The following CFAP45 variants were observed in gnomAD, a reference collection of about 807,000 sequenced individuals.
The protein encoded by CFAP45 is cilia and flagella associated protein 45, also known as cilia- and flagella-associated protein 45.
A neutral mutation model predicts 75.6 loss-of-function variants in CFAP45; 43 were observed. The observed-to-expected ratio is 0.57, with a 90% confidence interval of 0.45 to 0.73. The LOEUF (loss-of-function observed/expected upper bound fraction) is 0.73. Ranked by LOEUF, CFAP45 falls within the 30% of genes least tolerant of loss-of-function variation. CFAP45 has a pLI of 0.00. For synonymous variants in CFAP45, 223 were observed against 244.6 expected, an observed-to-expected ratio of 0.91 and a Z score of 0.82; for missense variants, 689 against 701.5, an observed-to-expected ratio of 0.98 and a Z score of 0.20.
intron 2 of CFAP45, 110 bp downstream of exon 2, chr1:159,893,068 CTG>C: frequency 8.0e-7 from 1 of 1,248,072 alleles, no homozygotes; most frequent in South Asian, 1.3e-5. Context: ...TGTCTTCAGT[CTG>C]AGAGTTACCT....
chr1:159,898,622 T>C (rs539953258), intron 1 of CFAP45, among the ~76,000 whole-genome samples: 1 of 152,320 alleles, frequency 6.6e-6, no homozygotes, highest in South Asian at 2.1e-4. Flanking sequence ...ATCTGGGTGC[T>C]CTGAAGCCCA....
At chr1:159,892,637 C>T (rs1649855995) in intron 2 of CFAP45, among the ~76,000 whole-genome samples, 1 of 152,222 alleles carries the variant, frequency 6.6e-6, no homozygotes, top group African/African-American at 2.4e-5. Context: ...CAAAATCAGT[C>T]AAAGCTCTAC....
intron 10 of CFAP45, among the ~76,000 whole-genome samples, chr1:159,874,811 G>A (rs954776775): frequency 2.0e-5 from 3 of 152,206 alleles, no homozygotes; most frequent in Admixed American, 6.5e-5. Flanking sequence ...TCTAGGAAGT[G>A]AAGCCTGGTC....
chr1:159,873,001 GCCT>G lies in CFAP45; in HGVS notation c.1517_1519del (p.Glu506del). 6.2e-7 allele frequency: 1 copy of G among 1,614,214 alleles called. No individual in the cohort carries two copies. Among genetic ancestry groups the G allele is most frequent in the Non-Finnish European group, 8.5e-7 (1 of 1,180,050 alleles). ...ATCGATGCGCTCACGGCGTTTCTGG[GCCT>G]CCTCTTTGAGGCGCCGGCCCTCCTC... On this transcript the variant is annotated inframe_deletion, in exon 11 of 12. Coordinates refer to ENST00000368099, the MANE Select transcript of CFAP45 (RefSeq NM_012337.3).
At position 159,877,399 on chromosome 1, in the gene CFAP45, C is replaced by G. The variant is rs779458678; in HGVS notation, c.1108G>C (p.Ala370Pro). Residue 370 changes from alanine to proline, a missense_variant, in exon 9 of 12, where the codon GCA (alanine) becomes CCA (proline). Transcript: ENST00000368099. ...TTCTCCTGCATGGCCCTCAAGCGTG[C>G]GATCTCCTTCTCTTTCTCCCTCCGG... ...RIRREKEKEI[A>P]RLRAMQEKAQ... 3 of 1,614,054 alleles carry G rather than the reference C, an allele frequency of 1.9e-6. No individual in the cohort carries two copies. Among genetic ancestry groups the G allele is most frequent in the Non-Finnish European group, 2.5e-6 (3 of 1,179,948 alleles).
intron 7 of CFAP45, among the ~76,000 whole-genome samples, chr1:159,883,317 G>GT: frequency 7.1e-6 from 1 of 140,042 alleles, no homozygotes; most frequent in South Asian, 2.3e-4. Context: ...AATGAATGGG[G>GT]GAACTCTTCT....
At chr1:159,899,890 A>G (rs924796448) in intron 1 of CFAP45, 3 of 578,864 alleles carry the variant, frequency 5.2e-6, no homozygotes, top group Non-Finnish European at 3.1e-6. Context: ...CGCGCTCCAC[A>G]TTTCCAATCG....
At chr1:159,872,915 A>G in intron 11 of CFAP45, 29 bp downstream of exon 11, 1 of 1,600,716 alleles carries the variant, frequency 6.2e-7, no homozygotes, top group South Asian at 1.1e-5. Flanking sequence ...AGGGAAGAGG[A>G]TTTGGGAAAG....
intron 1 of CFAP45, among the ~76,000 whole-genome samples, chr1:159,895,723 G>A (rs1431557123): frequency 1.3e-5 from 2 of 152,222 alleles, no homozygotes; most frequent in African/African-American, 2.4e-5. Flanking sequence ...TATATGGTAG[G>A]TGGTGAGCTA....
At chr1:159,896,573 A>C (rs1649955279) in intron 1 of CFAP45, among the ~76,000 whole-genome samples, 1 of 152,202 alleles carries the variant, frequency 6.6e-6, no homozygotes, top group South Asian at 2.1e-4. Context: ...TTCTTTAAGG[A>C]GGTGACGGGC....
intron 7 of CFAP45, among the ~76,000 whole-genome samples, chr1:159,881,165 T>A (rs1330844484): frequency 2.6e-5 from 4 of 152,202 alleles, no homozygotes; most frequent in Non-Finnish European, 2.9e-5. Context: ...ACACAGACTA[T>A]CTCTAATACC....
At chr1:159,873,270 C>T in intron 10 of CFAP45, 102 bp from the exon 11 acceptor site, 1 of 886,668 alleles carries the variant, frequency 1.1e-6, no homozygotes, top group Non-Finnish European at 1.8e-6. Context: ...GTAGACATGC[C>T]TCAGAGACCA....
chr1:159,889,024 G>C (rs1056317318), intron 3 of CFAP45, among the ~76,000 whole-genome samples: 2 of 152,214 alleles, frequency 1.3e-5, no homozygotes, highest in African/African-American at 4.8e-5. Flanking sequence ...TATTCCTCAA[G>C]GATGACATAA....
chr1:159,887,741 A>T, intron 5 of CFAP45, 100 bp downstream of exon 5: 1 of 733,098 alleles, frequency 1.4e-6, no homozygotes, highest in South Asian at 1.6e-5. Context: ...ACCCCTGCCC[A>T]CACCCCCACC....
chr1:159,872,936 C>A lies in CFAP45; in HGVS notation c.1577+8G>T. The A allele has an allele frequency of 6.2e-7, 1 of 1,612,240 alleles. No homozygotes were observed. The highest frequency in any genetic ancestry group is 8.5e-7 in the Non-Finnish European group (1 of 1,178,340). ...GAGGATTTGGGAAAGGAGGAGATTC[C>A]AGCGCACCTCAGCTCTTCAAGCTTT... is the stretch of plus-strand genomic sequence containing the variant. On this transcript the variant is annotated splice_region_variant and intron_variant, in intron 11 of 11. Transcript: ENST00000368099.
chr1:159,875,186 G>A (rs959441460), intron 10 of CFAP45, among the ~76,000 whole-genome samples: 2 of 152,214 alleles, frequency 1.3e-5, no homozygotes, highest in Non-Finnish European at 2.9e-5. Flanking sequence ...TAAATGGGTC[G>A]GCAGCAAAAG....
chr1:159,883,861 C>T (rs1252494128), intron 7 of CFAP45, among the ~76,000 whole-genome samples: 1 of 152,110 alleles, frequency 6.6e-6, no homozygotes, highest in Non-Finnish European at 1.5e-5. Flanking sequence ...ATTGTTACAG[C>T]CCAGAGAAGG....
chr1:159,894,383 T>C (rs998801806), intron 1 of CFAP45, among the ~76,000 whole-genome samples: 1 of 152,210 alleles, frequency 6.6e-6, no homozygotes, highest in Non-Finnish European at 1.5e-5. Flanking sequence ...GTGCTTCAAG[T>C]CTTTCTCACA....
intron 5 of CFAP45, among the ~76,000 whole-genome samples, 156 bp from the exon 6 acceptor site, chr1:159,886,845 C>T (rs1649700231): frequency 6.6e-6 from 1 of 152,164 alleles, no homozygotes; most frequent in Non-Finnish European, 1.5e-5. Context: ...ATTTACCTTT[C>T]CCCTTAATAT....
Sources: allele counts gnomAD v4.1 joint callset (sites outside exome capture counted in the v4.1 genomes callset), GRCh38; gene constraint gnomAD v4.1.1; transcripts MANE v1.5; gene names NCBI Gene and HGNC (gene_info 2026-07-23, HGNC 2026-07-21).